SPG11: variants seen among roughly 807,000 people sequenced by gnomAD.
The protein encoded by SPG11 is SPG11 vesicle trafficking associated, spatacsin.
A neutral mutation model predicts 274.0 loss-of-function variants in SPG11; 222 were observed. The ratio of observed to expected loss-of-function variants is 0.81; its 90% CI spans 0.73 to 0.91. The LOEUF (loss-of-function observed/expected upper bound fraction) is 0.91. Ranked by LOEUF, SPG11 falls within the 40% of genes least tolerant of loss-of-function variation. The probability of loss-of-function intolerance (pLI) is 0.00; values close to 1 mark genes in which losing one functional copy is unlikely to be tolerated. For synonymous variants in SPG11, 1,144 were observed against 1,039.7 expected (o/e 1.10, Z -1.93); for missense variants, 3,114 against 2,872.7 (o/e 1.08, Z -1.92).
At chr15:44,611,378 T>A (rs2083456561) in intron 17 of SPG11, among the ~76,000 whole-genome samples, 1 of 152,174 alleles carries the variant, frequency 6.6e-6, no homozygotes, top group Admixed American at 6.5e-5. Context: ...GAAATATAAA[T>A]GCCTGACACA....
Position 44,596,098 on chromosome 15 carries a change from C to T in SPG11, c.4419G>A (p.Leu1473=), listed in dbSNP as rs770409605. The stretch of plus-strand genomic sequence containing the variant: ...TGATCCTCACCTGGAGACATGAGGC[C>T]AGAACACTGAGGATAGGGGCCTGTT... ...VKQQAPILSV[L]ASCLQGASAI... is the part of the protein sequence containing the mutation. Residue 1473 remains leucine, a synonymous_variant, in exon 25 of 40, where the codon CTG becomes CTA. Coordinates refer to ENST00000261866, the MANE Select transcript of SPG11 (RefSeq NM_025137.4). 3.7e-6 allele frequency: 6 copies of T among 1,613,366 alleles called. No homozygotes were observed. Among genetic ancestry groups the T allele is most frequent in the Non-Finnish European group, 5.1e-6 (6 of 1,180,028 alleles).
chr15:44,661,753 T>G (rs1460300450), intron 1 of SPG11, among the ~76,000 whole-genome samples: 1 of 152,088 alleles, frequency 6.6e-6, no homozygotes, highest in Admixed American at 6.5e-5. Context: ...TATTGCCACA[T>G]GGAAAGACAG....
intron 36 of SPG11, 141 bp from the exon 37 acceptor site, chr15:44,566,446 T>TTA: frequency 1.2e-6 from 1 of 817,568 alleles, no homozygotes; most frequent in Non-Finnish European, 2.1e-6. Flanking sequence ...CAGATAAAGG[T>TTA]TATTGGGCCA....
At chr15:44,614,127 A>G (rs2083532452) in intron 16 of SPG11, among the ~76,000 whole-genome samples, 1 of 152,256 alleles carries the variant, frequency 6.6e-6, no homozygotes, top group Non-Finnish European at 1.5e-5. Flanking sequence ...CTTTGAAAAT[A>G]CAGCTCTTAA....
intron 28 of SPG11, among the ~76,000 whole-genome samples, chr15:44,587,407 T>TG (rs1491322588): frequency 6.6e-6 from 1 of 152,140 alleles, no homozygotes; most frequent in Non-Finnish European, 1.5e-5. Flanking sequence ...AACATATTCC[T>TG]GGCTGGGCAC....
chr15:44,596,864 A>G lies in SPG11; in HGVS notation c.4081T>C (p.Tyr1361His). ...RLHNMKLSIS[Y>H]LRECAKANDW... Reference sequence around the variant, plus strand: ...TTTGCTTTGGCACATTCTCTAAGGTAAGATATGCTTAGTTTCATATTGTGT... The same window carrying G: ...TTTGCTTTGGCACATTCTCTAAGGTGAGATATGCTTAGTTTCATATTGTGT... The change falls in exon 24 of 40, where the codon TAC becomes CAC. Residue 1361 changes from tyrosine to histidine, a missense_variant. Transcript: ENST00000261866. 6.2e-7 allele frequency: 1 copy of G among 1,614,032 alleles called. No individual in the cohort carries two copies.
intron 7 of SPG11, among the ~76,000 whole-genome samples, chr15:44,644,036 G>A (rs1453282965): frequency 6.6e-6 from 1 of 151,816 alleles, no homozygotes; most frequent in African/African-American, 2.4e-5. Flanking sequence ...GTGTGGTGGT[G>A]GGCACCTGTA....
intron 20 of SPG11, among the ~76,000 whole-genome samples, chr15:44,601,779 G>C (rs2083196865): frequency 6.6e-6 from 1 of 151,962 alleles, no homozygotes; most frequent in South Asian, 2.1e-4. Context: ...GGCTGGTCTC[G>C]AACTCCTGGC....
chr15:44,649,933 T>C (rs1041072199), intron 6 of SPG11, among the ~76,000 whole-genome samples: 2 of 152,126 alleles, frequency 1.3e-5, no homozygotes, highest in East Asian at 3.9e-4. Context: ...ATTTCTACTT[T>C]ATATTATCTT....
chr15:44,578,886 C>T (rs574553373), intron 30 of SPG11, among the ~76,000 whole-genome samples: 4 of 152,226 alleles, frequency 2.6e-5, no homozygotes, highest in South Asian at 2.1e-4. Flanking sequence ...CCAGTTGTGG[C>T]GGCTCATGCC....
intron 7 of SPG11, among the ~76,000 whole-genome samples, chr15:44,641,362 A>T (rs1279483774): frequency 1.3e-5 from 2 of 152,134 alleles, no homozygotes; most frequent in Non-Finnish European, 2.9e-5. Context: ...GAAAAGACTG[A>T]TTAATTAAAT....
chr15:44,572,837 G>A lies in SPG11; in HGVS notation c.6206-17C>T. On this transcript the variant is annotated splice_polypyrimidine_tract_variant and intron_variant, in intron 32 of 39. Transcript: ENST00000261866. ...GCTTATGTCCTGTACAGAGAGGTGT[G>A]AAGACAGGTGCTGGTTTTATCTAAG... 6.2e-7 allele frequency: 1 copy of A among 1,613,900 alleles called. No homozygotes were observed.
chr15:44,663,287 A>G (rs1316497607), intron 1 of SPG11, 104 bp downstream of exon 1: 1 of 1,469,530 alleles, frequency 6.8e-7, no homozygotes, highest in African/African-American at 1.4e-5. Context: ...TTCTCCCGCC[A>G]CCTCTATGGC....
In SPG11 at chr15:44,574,616, C is replaced by G. The variant is rs866412896; in HGVS notation, c.6006+286G>C. 3.3e-5 allele frequency among the ~76,000 whole-genome samples: 5 copies of G among 152,124 alleles called. No individual in the cohort carries two copies. The South Asian group carries it at 1.0e-3, about 32-fold the overall frequency. ...CCCAAGATATTAAGTCTAGAAGAGA[C>G]CCTCATGGTCAAATCATCATTTATA... On this transcript the variant is annotated intron_variant, in intron 31 of 39. Coordinates refer to ENST00000261866, the MANE Select transcript of SPG11 (RefSeq NM_025137.4).
rs767022286 is a variant in SPG11 at position 44,569,451 on chromosome 15, A to G, written c.6532T>C (p.Leu2178=). ...RYNEMTYIFD[L]LHKKHYFEVL... ...TCAAAGTAGTGCTTTTTATGCAGCAAATCAAATATGTATGTCATCTCGTTG... is the reference window on the plus strand; with the variant it reads ...TCAAAGTAGTGCTTTTTATGCAGCAGATCAAATATGTATGTCATCTCGTTG... Residue 2178 remains leucine, a synonymous_variant, in exon 35 of 40, where the codon TTG becomes CTG. Coordinates refer to ENST00000261866, the MANE Select transcript of SPG11 (RefSeq NM_025137.4). 1.2e-6 allele frequency: 2 copies of G among 1,606,852 alleles called. No homozygotes were observed. Among genetic ancestry groups the G allele is most frequent in the South Asian group, 2.2e-5 (2 of 89,624 alleles).
chr15:44,572,650 C>T, intron 33 of SPG11, 33 bp downstream of exon 33: 13 of 1,613,470 alleles, frequency 8.1e-6, no homozygotes, highest in Non-Finnish European at 1.0e-5. Flanking sequence ...CTGTTTAGGG[C>T]CAAAATATGT....
intron 30 of SPG11, among the ~76,000 whole-genome samples, chr15:44,581,542 C>A (rs1265319352): frequency 6.6e-6 from 1 of 150,896 alleles, no homozygotes. Flanking sequence ...AGCAAAACAT[C>A]CTTTAGGAAT....
chr15:44,567,722 T>C, intron 35 of SPG11, 130 bp from the exon 36 acceptor site: 1 of 939,506 alleles, frequency 1.1e-6, no homozygotes, highest in Non-Finnish European at 1.7e-6. Flanking sequence ...TGAGAATAAA[T>C]ACAAGTTTTA....
Position 44,618,008 on chromosome 15 carries a change from C to T in SPG11, c.2834+2182G>A, listed in dbSNP as rs1311672503. 4.6e-5 allele frequency among the ~76,000 whole-genome samples: 7 copies of T among 151,786 alleles called. No individual in the cohort carries two copies. In the South Asian group the frequency reaches 1.0e-3, roughly 23 times the overall value. On this transcript the variant is annotated intron_variant, in intron 15 of 39. Transcript: ENST00000261866. ...TAATTTCTATATAAATATTTATGATCGGCATGTCATAATCCACAAAACAAA... is the reference window on the plus strand; with the variant it reads ...TAATTTCTATATAAATATTTATGATTGGCATGTCATAATCCACAAAACAAA...
Sources: allele counts gnomAD v4.1 joint callset (sites outside exome capture counted in the v4.1 genomes callset), GRCh38; gene constraint gnomAD v4.1.1; transcripts MANE v1.5; gene names NCBI Gene and HGNC (gene_info 2026-07-23, HGNC 2026-07-21).